Variants in RARB observed in about 807,000 individuals in gnomAD.
The protein encoded by RARB is retinoic acid receptor beta, also known as HBV-activated protein.
Under a neutral mutation model 51.9 loss-of-function variants are expected in RARB, and 17 were observed. The ratio of observed to expected loss-of-function variants is 0.33; its 90% confidence interval spans 0.22 to 0.49. RARB has a LOEUF of 0.49. Among genes scored for constraint, RARB ranks in the 20% least tolerant of loss-of-function variants. The pLI is 0.99. For missense variants in RARB, 369 were observed against 550.8 expected, an observed-to-expected ratio of 0.67 and a Z score of 3.30; for synonymous variants, 215 against 195.4, an observed-to-expected ratio of 1.10 and a Z score of -0.84.
At chr3:24,896,625 C>T (rs1385831035) in intron 2 of RARB, among the ~76,000 whole-genome samples, 1 of 152,014 alleles carries the variant, frequency 6.6e-6, no homozygotes, top group East Asian at 1.9e-4. Flanking sequence ...TCCATAACAT[C>T]ATGGATATGT....
At chr3:25,163,504 A>AAAATATATATATATATATATAT (rs1303712411) in intron 4 of RARB, among the ~76,000 whole-genome samples, 5 of 131,106 alleles carry the variant, frequency 3.8e-5, no homozygotes, top group African/African-American at 1.6e-4. Context: ...CCTATCTCAA[A>AAAATATATATATATATATATAT]ATATATATAT....
At chr3:25,119,004 G>GA (rs1559472987) in intron 3 of RARB, among the ~76,000 whole-genome samples, 2 of 152,100 alleles carry the variant, frequency 1.3e-5, no homozygotes, top group African/African-American at 4.8e-5. Context: ...AGTATAAGCT[G>GA]AAAAAATATC....
intron 1 of RARB, among the ~76,000 whole-genome samples, chr3:25,438,134 G>C (rs1349305897): frequency 1.3e-5 from 2 of 152,216 alleles, no homozygotes; most frequent in Non-Finnish European, 2.9e-5. Flanking sequence ...GGTTGTCGGT[G>C]AGAGCTCTAG....
intron 3 of RARB, among the ~76,000 whole-genome samples, chr3:25,518,477 T>G (rs147319436): frequency 1.2e-3 from 183 of 149,146 alleles, no homozygotes; most frequent in Non-Finnish European, 2.0e-3. Context: ...TTGCTCTTCC[T>G]CAGGACATCC....
chr3:25,134,841 G>A (rs777281201), intron 4 of RARB, among the ~76,000 whole-genome samples: 11 of 151,962 alleles, frequency 7.2e-5, no homozygotes, highest in Non-Finnish European at 1.2e-4. Context: ...CCTCTACCTG[G>A]TCTAAATCGT....
At chr3:25,197,956 A>T (rs749429602) in intron 5 of RARB, among the ~76,000 whole-genome samples, 13 of 152,078 alleles carry the variant, frequency 8.5e-5, no homozygotes, top group Non-Finnish European at 1.8e-4. Flanking sequence ...TGGGACCACA[A>T]AAGACCCAGA....
At chr3:25,586,672 T>A (rs933463222) in intron 5 of RARB, among the ~76,000 whole-genome samples, 8 of 152,184 alleles carry the variant, frequency 5.3e-5, no homozygotes, top group Non-Finnish European at 1.0e-4. Context: ...ACGGCCTGTG[T>A]GACTTCAAAA....
chr3:25,323,844 G>C (rs1184430419), intron 5 of RARB, among the ~76,000 whole-genome samples: 1 of 152,152 alleles, frequency 6.6e-6, no homozygotes, highest in East Asian at 1.9e-4. Flanking sequence ...AAGACTTCCA[G>C]TTAAGTGTGG....
chr3:25,038,757 G>C (rs1052405666), intron 2 of RARB, among the ~76,000 whole-genome samples: 7 of 152,054 alleles, frequency 4.6e-5, no homozygotes, highest in African/African-American at 1.7e-4. Flanking sequence ...AAGAACAATA[G>C]AAAAAGCATG....
intron 3 of RARB, among the ~76,000 whole-genome samples, chr3:25,530,460 G>A (rs1418588319): frequency 6.6e-6 from 1 of 152,190 alleles, no homozygotes; most frequent in African/African-American, 2.4e-5. Context: ...CAAGAATTTG[G>A]CAGCGCTGCA....
rs1449251135 is a variant in RARB at position 25,522,365 on chromosome 3, C to T, written c.448+21042C>T. On this transcript the variant is annotated intron_variant, in intron 3 of 7. Transcript: ENST00000330688. ...TTCGGTAGGCGCAGGGGGCGGGGCA[C>T]GTTTTACGAGTAGGTGGCAATATAC... Among the ~76,000 whole-genome samples, 4 of 152,072 alleles carry T rather than the reference C, an allele frequency of 2.6e-5. 1 individual carries two copies. The highest frequency in any genetic ancestry group is 2.0e-4 in the Admixed American group (3 of 15,272).
chr3:25,326,875 C>T (rs1251087979), intron 5 of RARB, among the ~76,000 whole-genome samples: 1 of 151,512 alleles, frequency 6.6e-6, no homozygotes, highest in Non-Finnish European at 1.5e-5. Flanking sequence ...TTTTAGGGTA[C>T]ATGTGCACAA....
At chr3:24,926,550 T>C (rs149587569) in intron 2 of RARB, among the ~76,000 whole-genome samples, 2,871 of 152,162 alleles carry the variant, frequency 0.019, 38 homozygotes, top group Middle Eastern at 0.037. Flanking sequence ...TGATGACTTA[T>C]GCTATAGCTG....
At chr3:25,238,455 T>C (rs1702354809) in intron 5 of RARB, among the ~76,000 whole-genome samples, 1 of 152,244 alleles carries the variant, frequency 6.6e-6, no homozygotes, top group Non-Finnish European at 1.5e-5. Context: ...TTGTGAATAG[T>C]GCTGCAGTAA....
chr3:25,411,233 A>G (rs1273931355), intron 5 of RARB, among the ~76,000 whole-genome samples: 2 of 152,236 alleles, frequency 1.3e-5, no homozygotes, highest in African/African-American at 2.4e-5. Flanking sequence ...GATAAGATGA[A>G]GAAGTCACAC....
intron 5 of RARB, among the ~76,000 whole-genome samples, chr3:25,177,862 C>G (rs1700787172): frequency 6.6e-6 from 1 of 152,128 alleles, no homozygotes; most frequent in Non-Finnish European, 1.5e-5. Context: ...AATATTTTTA[C>G]TTACAGAACA....
chr3:25,404,997 T>C (rs1382222713), intron 5 of RARB, among the ~76,000 whole-genome samples: 2 of 152,154 alleles, frequency 1.3e-5, no homozygotes, highest in Non-Finnish European at 2.9e-5. Flanking sequence ...GAAAGAGAAA[T>C]GCCAGGAATA....
intron 2 of RARB, among the ~76,000 whole-genome samples, chr3:24,991,179 G>A (rs999274116): frequency 2.0e-5 from 3 of 152,116 alleles, no homozygotes; most frequent in Non-Finnish European, 4.4e-5. Flanking sequence ...GGTGACTCAC[G>A]CCTGTAATCT....
intron 2 of RARB, among the ~76,000 whole-genome samples, chr3:24,936,656 A>G (rs1031209227): frequency 6.6e-6 from 1 of 152,266 alleles, no homozygotes; most frequent in African/African-American, 2.4e-5. Context: ...ATCAAAAGTT[A>G]ACTGTCATTA....
Sources: allele counts gnomAD v4.1 joint callset (sites outside exome capture counted in the v4.1 genomes callset), GRCh38; gene constraint gnomAD v4.1.1; transcripts MANE v1.5; gene names NCBI Gene and HGNC (gene_info 2026-07-23, HGNC 2026-07-21).